TMEM117: variants seen among roughly 807,000 people sequenced by gnomAD.
The protein encoded by TMEM117 is transmembrane protein 117.
TMEM117 carries 27 observed loss-of-function variants against 52.4 expected under a neutral mutation model. That is an observed-to-expected ratio of 0.51 (90% CI 0.38 to 0.71). The LOEUF (loss-of-function observed/expected upper bound fraction) is 0.71. Among genes scored for constraint, TMEM117 ranks in the 30% least tolerant of loss-of-function variants. The probability of loss-of-function intolerance (pLI) is 0.00; values close to 1 mark genes in which losing one functional copy is unlikely to be tolerated. For synonymous variants in TMEM117, 215 were observed against 206.3 expected, an observed-to-expected ratio of 1.04 and a Z score of -0.36; for missense variants, 556 against 630.5, an observed-to-expected ratio of 0.88 and a Z score of 1.26.
intron 2 of TMEM117, among the ~76,000 whole-genome samples, chr12:43,894,161 G>A (rs1279872878): frequency 6.6e-6 from 1 of 152,214 alleles, no homozygotes; most frequent in Non-Finnish European, 1.5e-5. Flanking sequence ...CAAGAGCATG[G>A]CATGGACATA....
chr12:44,060,431 C>T (rs1347309035), intron 3 of TMEM117, among the ~76,000 whole-genome samples: 2 of 152,054 alleles, frequency 1.3e-5, no homozygotes, highest in African/African-American at 2.4e-5. Flanking sequence ...CAAGAGGGCC[C>T]TCAAGAACAG....
At chr12:43,824,433 C>G in the TMEM117 span, among the ~76,000 whole-genome samples, 1 of 152,214 alleles carries the variant, frequency 6.6e-6, no homozygotes, top group Non-Finnish European at 1.5e-5. Context: ...AGGGTAGCAG[C>G]TCTAGTTCTC....
intron 3 of TMEM117, among the ~76,000 whole-genome samples, chr12:44,089,699 C>G (rs929750472): frequency 2.0e-5 from 3 of 152,166 alleles, no homozygotes. Context: ...TTCTTCAAGC[C>G]ATTCTTTCCC....
intron 2 of TMEM117, among the ~76,000 whole-genome samples, chr12:43,928,643 C>T (rs886834646): frequency 6.0e-5 from 9 of 151,224 alleles, no homozygotes; most frequent in South Asian, 2.1e-4. Context: ...GTGCACAATG[C>T]GCAGGTTAGT....
At chr12:44,342,794 T>G (rs1951434747) in intron 6 of TMEM117, among the ~76,000 whole-genome samples, 1 of 152,158 alleles carries the variant, frequency 6.6e-6, no homozygotes, top group Non-Finnish European at 1.5e-5. Context: ...AAATGTAGAT[T>G]GAGACATTTG....
chr12:44,039,094 G>A (rs986543980), intron 3 of TMEM117, among the ~76,000 whole-genome samples: 2 of 152,088 alleles, frequency 1.3e-5, no homozygotes, highest in Non-Finnish European at 1.5e-5. Flanking sequence ...GAATTCCTAA[G>A]TTTCTTTCCT....
intron 4 of TMEM117, among the ~76,000 whole-genome samples, chr12:44,179,557 G>A (rs753565842): frequency 1.3e-5 from 2 of 152,232 alleles, no homozygotes; most frequent in Non-Finnish European, 2.9e-5. Flanking sequence ...AGACTCAGCA[G>A]CAAGCTGCTT....
At chr12:44,242,650 T>G (rs1950077422) in intron 5 of TMEM117, among the ~76,000 whole-genome samples, 1 of 147,646 alleles carries the variant, frequency 6.8e-6, no homozygotes, top group Non-Finnish European at 1.5e-5. Context: ...TATCTATATA[T>G]ATTATATTAT....
intron 6 of TMEM117, among the ~76,000 whole-genome samples, chr12:44,301,525 AG>A (rs1950839828): frequency 6.6e-6 from 1 of 152,302 alleles, no homozygotes; most frequent in South Asian, 2.1e-4. Flanking sequence ...GGCTACAAGT[AG>A]CAATAACCCG....
chr12:44,194,655 G>A (rs757897391), intron 4 of TMEM117, among the ~76,000 whole-genome samples: 2 of 151,918 alleles, frequency 1.3e-5, no homozygotes, highest in Non-Finnish European at 2.9e-5. Context: ...AGGAAACCCT[G>A]TCTCTACAAA....
chr12:44,079,720 G>A (rs1947448703), intron 3 of TMEM117, among the ~76,000 whole-genome samples: 1 of 151,996 alleles, frequency 6.6e-6, no homozygotes, highest in African/African-American at 2.4e-5. Flanking sequence ...CTATTTTAAA[G>A]AAATTAAAAA....
chr12:43,802,486 AAG>A, the TMEM117 span: 1 of 1,568,140 alleles, frequency 6.4e-7, no homozygotes, highest in Non-Finnish European at 8.7e-7. Flanking sequence ...TATTTTTAGA[AAG>A]ATAGGTAAAT....
At chr12:43,991,370 GA>G (rs754746747) in intron 3 of TMEM117, among the ~76,000 whole-genome samples, 41 of 152,238 alleles carry the variant, frequency 2.7e-4, no homozygotes, top group East Asian at 5.8e-4. Context: ...CGGGAGATAA[GA>G]AATTGTCCAA....
At chr12:44,383,626 T>C (rs1226612973) in intron 7 of TMEM117, among the ~76,000 whole-genome samples, 2 of 152,192 alleles carry the variant, frequency 1.3e-5, no homozygotes, top group Non-Finnish European at 2.9e-5. Context: ...TTGTGCTAGG[T>C]AGTTGAAACA....
In TMEM117 at chr12:44,388,091, C is replaced by G. The variant is rs1278740326; in HGVS notation, c.964C>G (p.Gln322Glu). Reference protein sequence around the residue: ...LILDLNMWKNQIFYKPHEYGQ... With the variant: ...LILDLNMWKNEIFYKPHEYGQ... ...TTTGGATCTTAATATGTGGAAGAAC[C>G]AAATATTTTATAAACCTCATGAATA... Residue 322 changes from glutamine (Q) to glutamate (E), a missense_variant, in exon 8 of 8, where the codon CAA (glutamine) becomes GAA (glutamate). By Grantham distance (29) the Gln-to-Glu change is conservative (BLOSUM62 2). This residue lies in a region of TMEM117 where 22 missense variants were observed against 48.1 expected (regional missense o/e 0.46). Coordinates refer to ENST00000266534, the MANE Select transcript of TMEM117 (RefSeq NM_032256.3). 1 of 1,612,568 alleles carries G rather than the reference C, an allele frequency of 6.2e-7. No individual in the cohort carries two copies. The highest frequency in any genetic ancestry group is 2.2e-5 in the East Asian group (1 of 44,752).
At chr12:44,300,842 C>T (rs1163301075) in intron 6 of TMEM117, among the ~76,000 whole-genome samples, 2 of 152,076 alleles carry the variant, frequency 1.3e-5, no homozygotes, top group Admixed American at 1.3e-4. Context: ...AAAAAACTTT[C>T]CAATCTGACT....
At chr12:44,245,554 A>G (rs536948086) in intron 5 of TMEM117, among the ~76,000 whole-genome samples, 18 of 137,306 alleles carry the variant, frequency 1.3e-4, no homozygotes, top group African/African-American at 5.5e-4. Flanking sequence ...ATGTCCTGCA[A>G]CTTAACTGAA....
chr12:44,241,481 A>AT (rs1207544329), intron 5 of TMEM117, among the ~76,000 whole-genome samples: 1 of 151,902 alleles, frequency 6.6e-6, no homozygotes, highest in Non-Finnish European at 1.5e-5. Context: ...ATAGTGGACA[A>AT]TTTTTTGCCA....
intron 3 of TMEM117, among the ~76,000 whole-genome samples, chr12:43,987,925 G>T (rs1945874757): frequency 6.6e-6 from 1 of 152,014 alleles, no homozygotes; most frequent in African/African-American, 2.4e-5. Context: ...TTGAAGATGG[G>T]GTGGGATCTT....
Sources: allele counts gnomAD v4.1 joint callset (sites outside exome capture counted in the v4.1 genomes callset), GRCh38; gene constraint gnomAD v4.1.1; regional missense constraint gnomAD v4.1.1; transcripts MANE v1.5; gene names NCBI Gene and HGNC (gene_info 2026-07-23, HGNC 2026-07-21).